Variants in LPP observed in about 807,000 individuals in gnomAD.
LPP encodes LIM domain containing preferred translocation partner in lipoma.
In LPP, 38 loss-of-function variants were observed where a neutral mutation model predicts 60.4. That is an observed-to-expected ratio of 0.63 (90% CI 0.49 to 0.83). LPP has a LOEUF of 0.83. Among genes scored for constraint, LPP ranks in the 40% least tolerant of loss-of-function variants. The pLI is 0.00. For synonymous variants in LPP, 328 were observed against 290.8 expected, an observed-to-expected ratio of 1.13 and a Z score of -1.30; for missense variants, 902 against 783.6, an observed-to-expected ratio of 1.15 and a Z score of -1.80.
At chr3:188,489,041 C>A (rs1051783458) in intron 5 of LPP, among the ~76,000 whole-genome samples, 3 of 152,176 alleles carry the variant, frequency 2.0e-5, no homozygotes, top group African/African-American at 7.2e-5. Flanking sequence ...AAGGTAGTTA[C>A]AAAGAAGTCA....
chr3:188,735,635 C>T (rs1474456366), intron 8 of LPP, among the ~76,000 whole-genome samples: 1 of 152,132 alleles, frequency 6.6e-6, no homozygotes, highest in African/African-American at 2.4e-5. Flanking sequence ...CCACCCACCT[C>T]AGCCTCCCAA....
At chr3:188,544,579 G>T (rs929136963) in intron 6 of LPP, among the ~76,000 whole-genome samples, 19 of 138,232 alleles carry the variant, frequency 1.4e-4, no homozygotes, top group African/African-American at 5.2e-4. Context: ...AGTTAGAATG[G>T]CAATCATTAA....
intron 6 of LPP, among the ~76,000 whole-genome samples, chr3:188,606,938 G>A (rs1580342210): frequency 6.6e-6 from 1 of 152,094 alleles, no homozygotes; most frequent in Non-Finnish European, 1.5e-5. Flanking sequence ...CAACTGGGCT[G>A]ATGACAGGCA....
intron 7 of LPP, among the ~76,000 whole-genome samples, chr3:188,662,430 T>C (rs1280456086): frequency 6.6e-6 from 1 of 152,264 alleles, no homozygotes; most frequent in African/African-American, 2.4e-5. Context: ...TGGAAATCTT[T>C]CCTGCTGGTG....
chr3:188,240,235 T>A (rs546325375), intron 2 of LPP: 2 of 175,480 alleles, frequency 1.1e-5, no homozygotes, highest in Admixed American at 6.3e-5. Context: ...ATCCTTTTGG[T>A]ATCAAATTTT....
intron 7 of LPP, among the ~76,000 whole-genome samples, chr3:188,669,022 A>T (rs1415927266): frequency 6.6e-6 from 1 of 152,196 alleles, no homozygotes; most frequent in Non-Finnish European, 1.5e-5. Context: ...GTCAAAGACA[A>T]GCACGGGCTC....
At chr3:188,460,084 C>T (rs1798655374) in intron 4 of LPP, among the ~76,000 whole-genome samples, 3 of 152,048 alleles carry the variant, frequency 2.0e-5, no homozygotes, top group Admixed American at 1.3e-4. Context: ...TTTTGTCCAC[C>T]TTATGACAAA....
intron 2 of LPP, among the ~76,000 whole-genome samples, chr3:188,254,258 T>G (rs1320044394): frequency 6.6e-6 from 1 of 152,146 alleles, no homozygotes; most frequent in African/African-American, 2.4e-5. Context: ...AAAAACTCAG[T>G]AAGATTTTAT....
rs554359944 is a variant in LPP at position 188,866,557 on chromosome 3, A to G, written c.1589+179A>G. On this transcript the variant is annotated intron_variant, in intron 10 of 11. Transcript: ENST00000617246. Reference sequence around the variant, plus strand: ...TGCAAGAATTAATATCAGACAATCCATGCAGTCATCCAGCCTGGTCTCTGT... The same window carrying G: ...TGCAAGAATTAATATCAGACAATCCGTGCAGTCATCCAGCCTGGTCTCTGT... Among the ~76,000 whole-genome samples the G allele has an allele frequency of 6.4e-4, 97 of 152,298 alleles. 1 individual carries two copies. The South Asian group carries it at 0.02, about 31-fold the overall frequency.
rs79827651 is a variant in LPP at position 188,487,708 on chromosome 3, A to G, written c.306+3004A>G. On this transcript the variant is annotated intron_variant, in intron 5 of 11. Transcript: ENST00000617246. ...GCTCTGGCCCAGGTTTGTACCAGCTATAGAAATGAGCCATGGTAGAGCCTA... is the reference window on the plus strand; with the variant it reads ...GCTCTGGCCCAGGTTTGTACCAGCTGTAGAAATGAGCCATGGTAGAGCCTA... Among the ~76,000 whole-genome samples the G allele has an allele frequency of 7.2e-3, 1,091 of 152,304 alleles. 17 individuals carry two copies. The highest frequency in any genetic ancestry group is 0.024 in the African/African-American group (989 of 41,572).
At chr3:188,455,427 T>A (rs985522778) in intron 4 of LPP, among the ~76,000 whole-genome samples, 1 of 152,220 alleles carries the variant, frequency 6.6e-6, no homozygotes, top group Non-Finnish European at 1.5e-5. Flanking sequence ...ACATCCCTGA[T>A]AATAGGGTTT....
chr3:188,355,067 G>T (rs1298364942), intron 3 of LPP, among the ~76,000 whole-genome samples: 1 of 151,996 alleles, frequency 6.6e-6, no homozygotes, highest in Non-Finnish European at 1.5e-5. Flanking sequence ...AGAGTGCAGT[G>T]GCGTGATCTC....
At chr3:188,514,731 C>T (rs903174315) in intron 5 of LPP, among the ~76,000 whole-genome samples, 3 of 152,200 alleles carry the variant, frequency 2.0e-5, no homozygotes, top group East Asian at 1.9e-4. Flanking sequence ...CATGAGCCAC[C>T]GTGCCTGGCG....
At position 188,792,322 on chromosome 3, in the gene LPP, A is replaced by G. The variant is rs112265574; in HGVS notation, c.1410+32040A>G. On this transcript the variant is annotated intron_variant, in intron 9 of 11. Coordinates refer to ENST00000617246, the MANE Select transcript of LPP (RefSeq NM_001375462.1). ...ATGGATTCAGCCTGTGACAGTCAAC[A>G]TTTACAGCCCTTGGGAGCAGCTCCA... Among the ~76,000 whole-genome samples, 494 of 152,270 alleles carry G rather than the reference A, an allele frequency of 3.2e-3. 5 individuals are homozygous for G. The highest frequency in any genetic ancestry group is 0.012 in the African/African-American group (480 of 41,558).
chr3:188,768,327 C>T (rs931114086), intron 9 of LPP, among the ~76,000 whole-genome samples: 2 of 152,112 alleles, frequency 1.3e-5, no homozygotes, highest in Non-Finnish European at 1.5e-5. Context: ...ATAATAATAC[C>T]TAACCTAGGT....
intron 4 of LPP, among the ~76,000 whole-genome samples, 171 bp downstream of exon 4, chr3:188,406,484 C>A (rs993477015): frequency 6.6e-6 from 1 of 152,160 alleles, no homozygotes; most frequent in African/African-American, 2.4e-5. Flanking sequence ...CCAACCCCGT[C>A]TTTTAGGAAA....
At chr3:188,446,231 G>C (rs905622401) in intron 4 of LPP, among the ~76,000 whole-genome samples, 4 of 152,134 alleles carry the variant, frequency 2.6e-5, no homozygotes, top group African/African-American at 7.2e-5. Context: ...GTGAGCATGA[G>C]AGCCCAGCTT....
At chr3:188,240,766 G>A (rs4686941) in intron 2 of LPP, among the ~76,000 whole-genome samples, 91,151 of 151,836 alleles carry the variant, frequency 0.6, 27,611 homozygotes, top group Middle Eastern at 0.69. Context: ...GCAAGGGAGG[G>A]GCGAGCTCCA....
chr3:188,549,544 G>A (rs76655914), intron 6 of LPP, among the ~76,000 whole-genome samples: 1,600 of 152,234 alleles, frequency 0.011, 14 homozygotes, highest in Non-Finnish European at 0.017. Flanking sequence ...TTCCAAATCT[G>A]ACTACCTGTT....
Sources: allele counts gnomAD v4.1 joint callset (sites outside exome capture counted in the v4.1 genomes callset), GRCh38; gene constraint gnomAD v4.1.1; transcripts MANE v1.5; gene names NCBI Gene and HGNC (gene_info 2026-07-23, HGNC 2026-07-21).